PHACTR3: variants seen among roughly 807,000 people sequenced by gnomAD.
The protein encoded by PHACTR3 is phosphatase and actin regulator 3.
In PHACTR3, 16 loss-of-function variants were observed where a neutral mutation model predicts 66.8. The observed-to-expected ratio is 0.24, with a 90% confidence interval of 0.16 to 0.36. The LOEUF is 0.36. Ranked by LOEUF, PHACTR3 falls within the 10% of genes least tolerant of loss-of-function variation. The pLI is 1.00. For synonymous variants in PHACTR3, 323 were observed against 292.1 expected, an observed-to-expected ratio of 1.11 and a Z score of -1.08; for missense variants, 647 against 719.9, an observed-to-expected ratio of 0.90 and a Z score of 1.16.
chr20:59,716,206 T>TTG lies in PHACTR3; in HGVS notation c.119-26845_119-26844dup, dbSNP rs201782505. 5.5e-3 allele frequency among the ~76,000 whole-genome samples: 710 copies of TTG among 128,640 alleles called. 7 individuals carry two copies. Among genetic ancestry groups the TTG allele is most frequent in the South Asian group, 0.011 (35 of 3,270 alleles). 84.4% of individuals were successfully genotyped at this position (128,640 alleles called of 152,430 possible). A position where few individuals can be genotyped will look rare whatever the true frequency, so the allele number is the denominator to read the frequency against. On this transcript the variant is annotated intron_variant, in intron 1 of 12. Coordinates refer to ENST00000371015, the MANE Select transcript of PHACTR3 (RefSeq NM_080672.5). ...CCTGCTTTGCTCTTCCCTTCACCCT[T>TTG]TGTGTGTGTGTGTGTGTGTGTGTGT...
chr20:59,744,392 C>G (rs1415882747), intron 2 of PHACTR3, among the ~76,000 whole-genome samples: 1 of 152,244 alleles, frequency 6.6e-6, no homozygotes, highest in African/African-American at 2.4e-5. Context: ...AGCCACATGC[C>G]TGTGAGCCAC....
chr20:59,639,240 G>A (rs1253182008), intron 1 of PHACTR3, among the ~76,000 whole-genome samples: 2 of 152,134 alleles, frequency 1.3e-5, no homozygotes, highest in Admixed American at 6.5e-5. Flanking sequence ...GTATTTGGAA[G>A]GACAGTCATT....
At chr20:59,716,206 TTGTGTG>T (rs201782505) in intron 1 of PHACTR3, among the ~76,000 whole-genome samples, 21,384 of 128,290 alleles carry the variant, frequency 0.17, 2,015 homozygotes, top group Non-Finnish European at 0.18. Context: ...CCTTCACCCT[TTGTGTG>T]TGTGTGTGTG....
intron 1 of PHACTR3, among the ~76,000 whole-genome samples, chr20:59,671,877 CCTA>C: frequency 6.6e-6 from 1 of 152,258 alleles, no homozygotes; most frequent in South Asian, 2.1e-4. Flanking sequence ...GTTCACCTCA[CCTA>C]CTTACCTGTG....
At chr20:59,741,509 C>T (rs6128676) in intron 1 of PHACTR3, among the ~76,000 whole-genome samples, 24,794 of 152,236 alleles carry the variant, frequency 0.16, 3,985 homozygotes, top group African/African-American at 0.42. Flanking sequence ...ATGTGCTCAT[C>T]TATTCTCAGT....
intron 1 of PHACTR3, among the ~76,000 whole-genome samples, chr20:59,612,819 T>C (rs919419772): frequency 6.6e-6 from 1 of 152,334 alleles, no homozygotes; most frequent in African/African-American, 2.4e-5. Context: ...GGCTCATGCT[T>C]CTGAGGGCTG....
intron 8 of PHACTR3, among the ~76,000 whole-genome samples, chr20:59,815,002 GTTCCCCGAC>G (rs2041844706): frequency 6.6e-6 from 1 of 152,112 alleles, no homozygotes; most frequent in South Asian, 2.1e-4. Context: ...TGGGGGCTGA[GTTCCCCGAC>G]TTCAGAGGTG....
rs1239421037 is a variant in PHACTR3, at chr20:59,830,769, G to C, written c.1329-5736G>C. On this transcript the variant is annotated intron_variant, in intron 8 of 12. Transcript: ENST00000371015. This position sits in a 1 kb window ranked among gnomAD's most constrained non-coding sequence, Gnocchi z 5.8. Reference sequence around the variant, plus strand: ...GGGTTTTGTTGGCAGGTGTTCACCTGGGGAATCAGAGGCTCAAGTAAGGGA... The same window carrying C: ...GGGTTTTGTTGGCAGGTGTTCACCTCGGGAATCAGAGGCTCAAGTAAGGGA... Among the ~76,000 whole-genome samples, 2 of 152,154 alleles carry C rather than the reference G, an allele frequency of 1.3e-5. No individual in the cohort carries two copies.
rs184310789 is a variant in PHACTR3 at position 59,612,509 on chromosome 20, C to T, written c.118+7377C>T. On this transcript the variant is annotated intron_variant, in intron 1 of 12. Coordinates refer to ENST00000371015, the MANE Select transcript of PHACTR3 (RefSeq NM_080672.5). ...AAGCAATTCTCCTGCCTCAGCCTCC[C>T]GAGTGGCTGGGACTACAGGTGCGCG... is the stretch of plus-strand genomic sequence containing the variant. 1.6e-4 allele frequency among the ~76,000 whole-genome samples: 25 copies of T among 152,220 alleles called. No homozygotes were observed. The East Asian group carries it at 2.1e-3, about 13-fold the overall frequency.
chr20:59,807,529 AAAAT>A (rs1363184462), intron 8 of PHACTR3, among the ~76,000 whole-genome samples: 1 of 152,192 alleles, frequency 6.6e-6, no homozygotes, highest in Non-Finnish European at 1.5e-5. Context: ...AGTACACTCT[AAAAT>A]AATCATTAAA....
chr20:59,586,648 A>AT (rs1446144169), intron 1 of PHACTR3, among the ~76,000 whole-genome samples: 1 of 152,132 alleles, frequency 6.6e-6, no homozygotes, highest in East Asian at 1.9e-4. Flanking sequence ...AGTGCAGAAT[A>AT]TTGTACACTG....
intron 3 of PHACTR3, among the ~76,000 whole-genome samples, chr20:59,750,109 A>G (rs2039522278): frequency 6.6e-6 from 1 of 152,170 alleles, no homozygotes; most frequent in Non-Finnish European, 1.5e-5. Flanking sequence ...CTGAACGCAC[A>G]TCCAGTGGGG....
intron 1 of PHACTR3, among the ~76,000 whole-genome samples, chr20:59,711,867 C>T (rs976950995): frequency 2.6e-5 from 4 of 152,000 alleles, no homozygotes; most frequent in Non-Finnish European, 4.4e-5. Context: ...TTGTTTACTG[C>T]TATATTTTTT....
intron 1 of PHACTR3, among the ~76,000 whole-genome samples, chr20:59,633,995 C>T (rs1047034405): frequency 2.0e-5 from 3 of 152,182 alleles, no homozygotes; most frequent in African/African-American, 4.8e-5. Context: ...TATAACATTA[C>T]TGGGAAATGT....
At chr20:59,627,723 T>C (rs1421428185) in intron 1 of PHACTR3, among the ~76,000 whole-genome samples, 1 of 152,224 alleles carries the variant, frequency 6.6e-6, no homozygotes, top group Non-Finnish European at 1.5e-5. Flanking sequence ...AGGAAGCGTC[T>C]GTGTATCTAT....
At chr20:59,833,457 A>G (rs1348795557) in intron 8 of PHACTR3, among the ~76,000 whole-genome samples, 1 of 152,232 alleles carries the variant, frequency 6.6e-6, no homozygotes, top group Non-Finnish European at 1.5e-5. Flanking sequence ...ATGCATTGTC[A>G]CAAACATTTT....
intron 7 of PHACTR3, among the ~76,000 whole-genome samples, chr20:59,783,236 C>A (rs1296535569): frequency 2.0e-5 from 3 of 152,190 alleles, no homozygotes; most frequent in African/African-American, 7.2e-5. Context: ...GCACTGACAC[C>A]AGATGGCGCT....
chr20:59,808,762 C>A (rs902931913), intron 8 of PHACTR3, among the ~76,000 whole-genome samples: 3 of 152,116 alleles, frequency 2.0e-5, no homozygotes, highest in Non-Finnish European at 2.9e-5. Context: ...CTAGGGCTGC[C>A]GACACTGCTC....
intron 7 of PHACTR3, among the ~76,000 whole-genome samples, chr20:59,777,359 C>T (rs769901679): frequency 6.6e-6 from 1 of 152,184 alleles, no homozygotes; most frequent in Admixed American, 6.5e-5. Flanking sequence ...CCCTTTCAAC[C>T]CCCTGATTCC....
Sources: allele counts gnomAD v4.1 joint callset (sites outside exome capture counted in the v4.1 genomes callset), GRCh38; gene constraint gnomAD v4.1.1; non-coding constraint Gnocchi (gnomAD v3.1); transcripts MANE v1.5; gene names NCBI Gene and HGNC (gene_info 2026-07-23, HGNC 2026-07-21).